Variants in NXPE3 observed in about 807,000 individuals in gnomAD.
NXPE3 encodes the protein neurexophilin and PC-esterase domain family member 3.
Under a neutral mutation model 46.1 loss-of-function variants are expected in NXPE3, and 26 were observed. That is an observed-to-expected ratio of 0.56 (90% confidence interval 0.41 to 0.78). The LOEUF is 0.78. NXPE3 is among the 30% of genes least tolerant of loss of function. The probability of loss-of-function intolerance (pLI) is 0.00; values close to 1 mark genes in which losing one functional copy is unlikely to be tolerated. For synonymous variants in NXPE3, 272 were observed against 257.9 expected, an observed-to-expected ratio of 1.05 and a Z score of -0.52; for missense variants, 620 against 686.0, an observed-to-expected ratio of 0.90 and a Z score of 1.07.
At chr3:101,788,442 A>G (rs908618485) in intron 4 of NXPE3, among the ~76,000 whole-genome samples, 4 of 152,320 alleles carry the variant, frequency 2.6e-5, no homozygotes, top group Admixed American at 2.6e-4. Flanking sequence ...TATCCAAGAA[A>G]TCATCACCAA....
In NXPE3 at chr3:101,793,627, C is replaced by CTTTT; in HGVS notation, c.94-7582_94-7579dup. The stretch of plus-strand genomic sequence containing the variant: ...TTTTTTTTGTATTAATTGACAAGGT[C>CTTTT]TTTTTTTTTTTTTTTTTTTTTTTTT... On this transcript the variant is annotated intron_variant, in intron 4 of 7. Transcript: ENST00000273347. Among the ~76,000 whole-genome samples the CTTTT allele has an allele frequency of 8.2e-4, 16 of 19,412 alleles. 1 individual carries two copies. Among genetic ancestry groups the CTTTT allele is most frequent in the Admixed American group, 1.8e-3 (2 of 1,136 alleles). 12.7% of individuals were successfully genotyped at this position (19,412 alleles called of 152,430 possible). A position where few individuals can be genotyped will look rare whatever the true frequency, so the allele number is the denominator to read the frequency against.
chr3:101,808,864 T>TA (rs1941577829), intron 6 of NXPE3, among the ~76,000 whole-genome samples: 1 of 117,432 alleles, frequency 8.5e-6, no homozygotes, highest in African/African-American at 3.2e-5. Context: ...TATGAGACAT[T>TA]TATCTTTTAT....
In NXPE3 at chr3:101,822,216, G is replaced by T; in HGVS notation, c.*262G>T. ...ACACTATATTGCTCTTGTAACCAAA[G>T]ATGCTAATGAGTGTATTTGAATTAG... On this transcript the variant is annotated 3_prime_UTR_variant, in exon 8 of 8. Coordinates refer to ENST00000273347, the MANE Select transcript of NXPE3 (RefSeq NM_145037.4). 1 of 407,552 alleles carries T rather than the reference G, an allele frequency of 2.5e-6. No homozygotes were observed. Among genetic ancestry groups the T allele is most frequent in the South Asian group, 5.1e-5 (1 of 19,760 alleles). 25.2% of individuals were successfully genotyped at this position (407,552 alleles called of 1,614,324 possible). A position where few individuals can be genotyped will look rare whatever the true frequency, so the allele number is the denominator to read the frequency against.
chr3:101,806,685 C>T (rs1214075375), intron 5 of NXPE3, among the ~76,000 whole-genome samples: 2 of 152,096 alleles, frequency 1.3e-5, no homozygotes, highest in Non-Finnish European at 2.9e-5. Flanking sequence ...CTTAATGCAG[C>T]GTATACTTGC....
chr3:101,817,035 C>G, intron 7 of NXPE3, 34 bp downstream of exon 7: 1 of 1,566,684 alleles, frequency 6.4e-7, no homozygotes. Context: ...GTAACTCTTT[C>G]CCACATCAGC....
Position 101,812,363 on chromosome 3 carries a change from A to G in NXPE3, c.923-4432A>G, listed in dbSNP as rs147951917. Among the ~76,000 whole-genome samples, 187 of 152,244 alleles carry G rather than the reference A, an allele frequency of 1.2e-3. 1 individual carries two copies. Among genetic ancestry groups the G allele is most frequent in the Non-Finnish European group, 1.2e-3 (84 of 68,016 alleles). On this transcript the variant is annotated intron_variant, in intron 6 of 7. Transcript: ENST00000273347. ...CAAAGGGCCCATGTTCTGCATATAA[A>G]ACTACTAACTGATAGCATTTGAGGG... is the stretch of plus-strand genomic sequence containing the variant.
chr3:101,816,663 G>A, intron 6 of NXPE3, 132 bp from the exon 7 acceptor site: 1 of 699,434 alleles, frequency 1.4e-6, no homozygotes, highest in South Asian at 2.0e-5. Context: ...GGGATTTGAG[G>A]TCTGACAGCA....
At chr3:101,798,141 A>G (rs1011788605) in intron 4 of NXPE3, among the ~76,000 whole-genome samples, 2 of 150,202 alleles carry the variant, frequency 1.3e-5, no homozygotes, top group Non-Finnish European at 3.0e-5. Context: ...ATGATATCTC[A>G]TAGTGGTTTT....
chr3:101,813,772 A>G (rs1037594213), intron 6 of NXPE3, among the ~76,000 whole-genome samples: 1 of 152,094 alleles, frequency 6.6e-6, no homozygotes, highest in African/African-American at 2.4e-5. Flanking sequence ...GGGTTATATT[A>G]TCTATTTAGG....
Position 101,785,668 on chromosome 3 carries a change from C to A in NXPE3, c.72C>A (p.Val24=). 1 of 1,613,362 alleles carries A rather than the reference C, an allele frequency of 6.2e-7. No homozygotes were observed. The highest frequency in any genetic ancestry group is 1.1e-5 in the South Asian group (1 of 91,018). The change falls in exon 4 of 8, where the codon GTC becomes GTA. Residue 24 remains valine (V), a synonymous_variant. Coordinates refer to ENST00000273347, the MANE Select transcript of NXPE3 (RefSeq NM_145037.4). ...LLAVLMVVVL[V]INVTQVEYLD... is the part of the protein sequence containing the mutation. ...CAGTGTTGATGGTGGTGGTGCTGGT[C>A]ATCAATGTTACTCAGGTAGAGGTGA...
intron 6 of NXPE3, among the ~76,000 whole-genome samples, chr3:101,810,651 A>G (rs1399304209): frequency 6.6e-6 from 1 of 151,984 alleles, no homozygotes; most frequent in Non-Finnish European, 1.5e-5. Flanking sequence ...TGTGAGGGAG[A>G]TTCTTTGTTG....
Position 101,825,736 on chromosome 3 carries a change from T to C in NXPE3, c.*3782T>C, listed in dbSNP as rs1942463667. 6.6e-6 allele frequency: 1 copy of C among 152,220 alleles called. No homozygotes were observed. The highest frequency in any genetic ancestry group is 6.5e-5 in the Admixed American group (1 of 15,284). The allele number at this position is 152,220 out of a possible 1,614,324, so 9.4% of individuals were successfully genotyped here. ...TCATTATTAGATAAGTTGGTCATTATAGTTGGACATTTAGGTTTACAATAT... is the reference window on the plus strand; with the variant it reads ...TCATTATTAGATAAGTTGGTCATTACAGTTGGACATTTAGGTTTACAATAT... On this transcript the variant is annotated 3_prime_UTR_variant, in exon 8 of 8. Coordinates refer to ENST00000273347, the MANE Select transcript of NXPE3 (RefSeq NM_145037.4).
chr3:101,806,604 A>C (rs1289860449), intron 5 of NXPE3, among the ~76,000 whole-genome samples: 2 of 152,188 alleles, frequency 1.3e-5, no homozygotes, highest in African/African-American at 4.8e-5. Context: ...ATGAGTAAGT[A>C]TCTGGGGGGC....
Position 101,822,075 on chromosome 3 carries a change from T to G in NXPE3, c.*121T>G. The G allele has an allele frequency of 1.2e-6, 1 of 825,802 alleles. No homozygotes were observed. Among genetic ancestry groups the G allele is most frequent in the East Asian group, 2.6e-5 (1 of 38,606 alleles). The allele number at this position is 825,802 out of a possible 1,614,324, so 51.2% of individuals were successfully genotyped here. On this transcript the variant is annotated 3_prime_UTR_variant, in exon 8 of 8. Coordinates refer to ENST00000273347, the MANE Select transcript of NXPE3 (RefSeq NM_145037.4). ...ATAAGTATAAAATTTCAAAAAGATCTGGACTTAATATGATGACTTATAAGG... is the reference window on the plus strand; with the variant it reads ...ATAAGTATAAAATTTCAAAAAGATCGGGACTTAATATGATGACTTATAAGG...
Position 101,827,006 on chromosome 3 carries a change from C to G in NXPE3, c.*5052C>G, listed in dbSNP as rs944953925. On this transcript the variant is annotated 3_prime_UTR_variant, in exon 8 of 8. Transcript: ENST00000273347. ...CGAGATCATGCCATTGCACTCTAGC[C>G]TGGGCAACGAGAGTGAAACTCTGTC... 4.6e-5 allele frequency: 7 copies of G among 152,124 alleles called. No individual in the cohort carries two copies. Among genetic ancestry groups the G allele is most frequent in the African/African-American group, 1.5e-4 (6 of 41,324 alleles). 9.4% of individuals were successfully genotyped at this position (152,124 alleles called of 1,614,324 possible). A position where few individuals can be genotyped will look rare whatever the true frequency, so the allele number is the denominator to read the frequency against.
In NXPE3 at chr3:101,821,618, C is replaced by G; in HGVS notation, c.1344C>G (p.Phe448Leu). The change falls in exon 8 of 8, where the codon TTC (phenylalanine) becomes TTG (leucine). Residue 448 changes from phenylalanine (F) to leucine (L), a missense_variant. Around this residue, in one of 3 missense-constraint regions of NXPE3, gnomAD observed 75 missense variants for 121.1 expected, o/e 0.62. Coordinates refer to ENST00000273347, the MANE Select transcript of NXPE3 (RefSeq NM_145037.4). ...TVVAIAVWSHFSTFPLEVYIR... is the reference protein window; with the variant it reads ...TVVAIAVWSHLSTFPLEVYIR... ...TTGCCATAGCTGTATGGTCTCACTT[C>G]AGCACCTTCCCTTTGGAAGTGTACA... 6.2e-7 allele frequency: 1 copy of G among 1,614,232 alleles called. No homozygotes were observed. The highest frequency in any genetic ancestry group is 8.5e-7 in the Non-Finnish European group (1 of 1,180,042).
intron 6 of NXPE3, among the ~76,000 whole-genome samples, chr3:101,808,165 C>T (rs935886346): frequency 6.6e-6 from 1 of 152,046 alleles, no homozygotes; most frequent in Non-Finnish European, 1.5e-5. Flanking sequence ...TCGGGTGACT[C>T]TGATTTATTG....
chr3:101,818,605 A>G (rs185959910), intron 7 of NXPE3, among the ~76,000 whole-genome samples: 12 of 151,250 alleles, frequency 7.9e-5, no homozygotes, highest in African/African-American at 2.9e-4. Flanking sequence ...TTCAGTTAAA[A>G]TGGGGCTAAA....
intron 6 of NXPE3, 37 bp downstream of exon 6, chr3:101,807,163 T>C (rs1941456636): frequency 2.0e-6 from 3 of 1,498,396 alleles, no homozygotes; most frequent in Non-Finnish European, 2.8e-6. Context: ...TTGTTGTTTT[T>C]CTTACTAACT....
Sources: gnomAD v4.1 joint callset for allele counts (sites outside exome capture counted in the v4.1 genomes callset) on GRCh38, gnomAD v4.1.1 for gene constraint, gnomAD v4.1.1 regional missense constraint, MANE v1.5 for transcripts, NCBI Gene and HGNC (gene_info 2026-07-23, HGNC 2026-07-21) for gene names.